The following TCERG1 variants were observed in gnomAD, a reference collection of about 807,000 sequenced individuals.
TCERG1 encodes the protein transcription elongation regulator 1, also known as TATA box binding protein (TBP)-associated factor, RNA polymerase II, S, 150kD.
Under a neutral mutation model 144.7 loss-of-function variants are expected in TCERG1, and 37 were observed. That is an observed-to-expected ratio of 0.26 (90% CI 0.20 to 0.34). TCERG1 has a LOEUF of 0.34. TCERG1 is among the 10% of genes least tolerant of loss of function. The pLI is 1.00. For synonymous variants in TCERG1, 492 were observed against 458.2 expected (o/e 1.07, Z -0.94); for missense variants, 1,027 against 1,380.7 (o/e 0.74, Z 4.06).
intron 15 of TCERG1, among the ~76,000 whole-genome samples, chr5:146,484,659 A>T (rs558292710): frequency 3.2e-4 from 49 of 152,286 alleles, no homozygotes; most frequent in African/African-American, 1.0e-3. Flanking sequence ...TATCTTTTTT[A>T]AAAAACAAAC....
chr5:146,448,451 T>C (rs919144171), intron 1 of TCERG1, among the ~76,000 whole-genome samples: 17 of 152,220 alleles, frequency 1.1e-4, no homozygotes, highest in Non-Finnish European at 1.5e-5. Flanking sequence ...GCTTTATGTG[T>C]ATTTGGTACT....
chr5:146,472,492 G>A (rs190793636), intron 9 of TCERG1, among the ~76,000 whole-genome samples: 38 of 152,130 alleles, frequency 2.5e-4, no homozygotes, highest in African/African-American at 8.2e-4. Context: ...GTTTTGGGGT[G>A]CCACAAACCA....
At chr5:146,455,498 T>C (rs1224151587) in intron 2 of TCERG1, among the ~76,000 whole-genome samples, 6 of 152,246 alleles carry the variant, frequency 3.9e-5, no homozygotes, top group African/African-American at 7.2e-5. Context: ...TAGAGAAGTA[T>C]GTGTATAAAA....
intron 16 of TCERG1, among the ~76,000 whole-genome samples, chr5:146,496,487 G>A (rs1766912767): frequency 6.6e-6 from 1 of 151,758 alleles, no homozygotes; most frequent in Admixed American, 6.6e-5. Flanking sequence ...TCATATAATT[G>A]ACTCCTTATT....
intron 16 of TCERG1, among the ~76,000 whole-genome samples, chr5:146,496,625 A>G (rs1225578926): frequency 6.6e-6 from 1 of 151,926 alleles, no homozygotes. Flanking sequence ...CCATGTTTTC[A>G]ATTCTTTGAA....
chr5:146,475,256 A>G (rs932878935), intron 9 of TCERG1, among the ~76,000 whole-genome samples: 6 of 152,228 alleles, frequency 3.9e-5, no homozygotes, highest in Non-Finnish European at 8.8e-5. Context: ...TGAATTTCCT[A>G]CAGACAGGCA....
In TCERG1 at chr5:146,471,579, A is replaced by T; in HGVS notation, c.1601+3A>T. On this transcript the variant is annotated splice_donor_region_variant and intron_variant, in intron 9 of 22. Coordinates refer to ENST00000679501, the MANE Select transcript of TCERG1 (RefSeq NM_001382548.1). ...GCTCCTATTCCTGGTACTCCATGGTATGTATTTGGCTCAAGTAGTAATTTT... is the reference window on the plus strand; with the variant it reads ...GCTCCTATTCCTGGTACTCCATGGTTTGTATTTGGCTCAAGTAGTAATTTT... 1 of 1,606,382 alleles carries T rather than the reference A, an allele frequency of 6.2e-7. No individual in the cohort carries two copies. Among genetic ancestry groups the T allele is most frequent in the South Asian group, 1.1e-5 (1 of 90,256 alleles).
intron 1 of TCERG1, among the ~76,000 whole-genome samples, chr5:146,450,767 T>G (rs1762279785): frequency 6.6e-6 from 1 of 152,222 alleles, no homozygotes; most frequent in Non-Finnish European, 1.5e-5. Flanking sequence ...AGTGGCAGAC[T>G]TTTGAAAACC....
intron 9 of TCERG1, among the ~76,000 whole-genome samples, chr5:146,472,701 TTGTGTGTGTGTG>T (rs59508893): frequency 6.9e-6 from 1 of 145,942 alleles, no homozygotes; most frequent in African/African-American, 2.5e-5. Flanking sequence ...ACCTCTCACT[TTGTGTGTGTGTG>T]TGTGTGTGTG....
intron 16 of TCERG1, among the ~76,000 whole-genome samples, chr5:146,498,333 G>A (rs1307115513): frequency 6.6e-6 from 1 of 151,144 alleles, no homozygotes; most frequent in East Asian, 1.9e-4. Context: ...ATTCTATGCT[G>A]ATAGCATACA....
At chr5:146,474,683 G>A (rs901313719) in intron 9 of TCERG1, among the ~76,000 whole-genome samples, 5 of 152,138 alleles carry the variant, frequency 3.3e-5, no homozygotes. Flanking sequence ...GCAACCACCA[G>A]CCTCATGAGT....
At chr5:146,490,127 CT>C (rs1455312570) in intron 15 of TCERG1, among the ~76,000 whole-genome samples, 1 of 152,124 alleles carries the variant, frequency 6.6e-6, no homozygotes, top group African/African-American at 2.4e-5. Context: ...CATGCAAATA[CT>C]TTCAAAAGGT....
chr5:146,497,437 G>A lies in TCERG1; in HGVS notation c.2283-1099G>A, dbSNP rs367751009. The stretch of plus-strand genomic sequence containing the variant: ...GCTGGGATTGCATGCATGAGCCACT[G>A]CACCTGGCCAGTAATAGTTGTTTTA... On this transcript the variant is annotated intron_variant, in intron 16 of 22. Transcript: ENST00000679501. 3.3e-4 allele frequency among the ~76,000 whole-genome samples: 50 copies of A among 152,290 alleles called. No individual in the cohort carries two copies. The East Asian group carries it at 3.7e-3, about 11-fold the overall frequency.
rs1441049913 is a variant in TCERG1, at chr5:146,471,526, T to G, written c.1551T>G (p.Ala517=). Reference sequence around the variant, plus strand: ...AGGAGATGACTGAAGAAGAAAAGGCTGCCCAGAAGGCAAAGCCAGTTGCTA... The same window carrying G: ...AGGAGATGACTGAAGAAGAAAAGGCGGCCCAGAAGGCAAAGCCAGTTGCTA... ...KEEEMTEEEK[A]AQKAKPVATA... is the part of the protein sequence containing the mutation. The change falls in exon 9 of 23, where the codon GCT becomes GCG. Residue 517 remains alanine (A), a synonymous_variant. Transcript: ENST00000679501. 2 of 1,613,882 alleles carry G rather than the reference T, an allele frequency of 1.2e-6. No individual in the cohort carries two copies. Among genetic ancestry groups the G allele is most frequent in the Admixed American group, 3.3e-5 (2 of 59,996 alleles).
chr5:146,500,971 G>T (rs1235452548), intron 17 of TCERG1, among the ~76,000 whole-genome samples: 1 of 147,024 alleles, frequency 6.8e-6, no homozygotes, highest in Non-Finnish European at 1.5e-5. Flanking sequence ...TGGTTCCACT[G>T]CACTCCAGCC....
chr5:146,505,288 C>T (rs553383856), intron 19 of TCERG1, among the ~76,000 whole-genome samples: 47 of 152,200 alleles, frequency 3.1e-4, no homozygotes, highest in African/African-American at 9.1e-4. Context: ...CAAATTTATC[C>T]GTTCTGTTGC....
At chr5:146,463,890 T>A in intron 5 of TCERG1, 97 bp downstream of exon 5, 2 of 1,529,416 alleles carry the variant, frequency 1.3e-6, no homozygotes, top group Admixed American at 1.8e-5. Context: ...TTGCCTTGAA[T>A]CTCACCTGTT....
At chr5:146,491,403 G>T (rs887701266) in intron 15 of TCERG1, among the ~76,000 whole-genome samples, 2 of 152,054 alleles carry the variant, frequency 1.3e-5, no homozygotes, top group African/African-American at 4.8e-5. Context: ...CCATTGAAGT[G>T]AGTGCTGCTG....
At chr5:146,471,619 G>A (rs747766852) in intron 9 of TCERG1, 43 bp downstream of exon 9, 5 of 1,437,510 alleles carry the variant, frequency 3.5e-6, no homozygotes, top group Non-Finnish European at 3.8e-6. Flanking sequence ...TTTTTTTTGA[G>A]ACGGAGTCTC....
Sources: allele counts gnomAD v4.1 joint callset (sites outside exome capture counted in the v4.1 genomes callset), GRCh38; gene constraint gnomAD v4.1.1; transcripts MANE v1.5; gene names NCBI Gene and HGNC (gene_info 2026-07-23, HGNC 2026-07-21).